CNTNAP2: variants seen among roughly 807,000 people sequenced by gnomAD.
CNTNAP2 encodes the protein contactin-associated protein-like 2.
CNTNAP2 carries 98 observed loss-of-function variants against 155.2 expected under a neutral mutation model. The observed-to-expected ratio is 0.63, with a 90% CI of 0.54 to 0.75. The LOEUF is 0.75. Ranked by LOEUF, CNTNAP2 falls within the 30% of genes least tolerant of loss-of-function variation. CNTNAP2 has a pLI of 0.00. For missense variants in CNTNAP2, 1,727 were observed against 1,688.1 expected, an observed-to-expected ratio of 1.02 and a Z score of -0.40; for synonymous variants, 651 against 631.2, an observed-to-expected ratio of 1.03 and a Z score of -0.47.
intron 1 of CNTNAP2, among the ~76,000 whole-genome samples, chr7:146,221,024 G>A (rs1284055163): frequency 2.0e-5 from 3 of 152,196 alleles, no homozygotes; most frequent in Non-Finnish European, 2.9e-5. Context: ...TACTTCCAGA[G>A]TCCAGAGTCG....
intron 12 of CNTNAP2, among the ~76,000 whole-genome samples, chr7:147,582,292 C>T (rs139796126): frequency 6.6e-6 from 1 of 152,078 alleles, no homozygotes; most frequent in African/African-American, 2.4e-5. Flanking sequence ...GTTCACTTTA[C>T]TAAAATGTAA....
chr7:146,936,202 G>A (rs1396627412), intron 3 of CNTNAP2, among the ~76,000 whole-genome samples: 3 of 152,248 alleles, frequency 2.0e-5, no homozygotes, highest in South Asian at 4.1e-4. Context: ...ACAAAATTAC[G>A]GGAGGCTATT....
At chr7:148,112,415 G>GTAT (rs34816770) in intron 15 of CNTNAP2, among the ~76,000 whole-genome samples, 5,374 of 148,584 alleles carry the variant, frequency 0.036, 127 homozygotes, top group Middle Eastern at 0.071. Context: ...CTAAATTTTA[G>GTAT]TATTATTATT....
intron 6 of CNTNAP2, among the ~76,000 whole-genome samples, chr7:147,125,776 C>A (rs537197513): frequency 6.6e-6 from 1 of 152,254 alleles, no homozygotes; most frequent in Non-Finnish European, 1.5e-5. Flanking sequence ...TAATCGCATT[C>A]TTTCCATAGG....
At chr7:146,388,152 C>T (rs1426029061) in intron 1 of CNTNAP2, among the ~76,000 whole-genome samples, 8 of 150,320 alleles carry the variant, frequency 5.3e-5, no homozygotes, top group East Asian at 4.0e-4. Context: ...TGCTTTTGGC[C>T]GGGCATGAGG....
intron 8 of CNTNAP2, among the ~76,000 whole-genome samples, chr7:147,182,125 CAA>C (rs10718876): frequency 0.35 from 32,499 of 91,776 alleles, 3,131 homozygotes; most frequent in East Asian, 0.58. Context: ...GACTCCATCT[CAA>C]AAAAAAAAAA....
chr7:146,204,530 G>A (rs947630565), intron 1 of CNTNAP2, among the ~76,000 whole-genome samples: 4 of 152,124 alleles, frequency 2.6e-5, no homozygotes, highest in Non-Finnish European at 5.9e-5. Flanking sequence ...CAGTAGAAAG[G>A]TTATGAAAAT....
At chr7:147,079,432 A>G (rs10231780) in intron 4 of CNTNAP2, among the ~76,000 whole-genome samples, 83,245 of 151,780 alleles carry the variant, frequency 0.55, 25,895 homozygotes, top group East Asian at 0.75. Flanking sequence ...CAAAAGACCC[A>G]CAGCCTGACT....
At chr7:147,717,521 C>T (rs1796499042) in intron 13 of CNTNAP2, among the ~76,000 whole-genome samples, 1 of 152,046 alleles carries the variant, frequency 6.6e-6, no homozygotes, top group African/African-American at 2.4e-5. Context: ...GTATCTGACT[C>T]CATAGCTAAT....
intron 1 of CNTNAP2, among the ~76,000 whole-genome samples, chr7:146,523,864 A>G (rs1797650305): frequency 6.6e-6 from 1 of 152,148 alleles, no homozygotes; most frequent in Non-Finnish European, 1.5e-5. Flanking sequence ...ATATTTGTGC[A>G]ACTGATTTTC....
intron 3 of CNTNAP2, among the ~76,000 whole-genome samples, chr7:147,016,431 A>C (rs1409229372): frequency 6.6e-6 from 1 of 152,076 alleles, no homozygotes; most frequent in Non-Finnish European, 1.5e-5. Flanking sequence ...CTTCTGTAGA[A>C]AATCTATAAA....
chr7:148,255,161 T>G (rs1320040529), intron 20 of CNTNAP2, among the ~76,000 whole-genome samples: 1 of 152,186 alleles, frequency 6.6e-6, no homozygotes, highest in Non-Finnish European at 1.5e-5. Flanking sequence ...AATTTCAAAT[T>G]TACTAGAAGA....
At chr7:148,137,611 G>A (rs376958254) in intron 16 of CNTNAP2, among the ~76,000 whole-genome samples, 1 of 151,254 alleles carries the variant, frequency 6.6e-6, no homozygotes, top group Non-Finnish European at 1.5e-5. Context: ...GCAGTGAGCT[G>A]AGATCACACC....
chr7:146,583,473 G>A (rs1444614643), intron 1 of CNTNAP2, among the ~76,000 whole-genome samples: 3 of 152,120 alleles, frequency 2.0e-5, no homozygotes, highest in African/African-American at 4.8e-5. Context: ...AGGCAACGAC[G>A]GCTCACAGAT....
At chr7:147,126,032 G>C (rs1801226786) in intron 6 of CNTNAP2, among the ~76,000 whole-genome samples, 1 of 152,144 alleles carries the variant, frequency 6.6e-6, no homozygotes, top group Admixed American at 6.6e-5. Context: ...AAGGAAGAGA[G>C]AGTAAACAAG....
At chr7:148,330,481 CGGATGGAGTGGAT>C (rs1203922434) in intron 21 of CNTNAP2, among the ~76,000 whole-genome samples, 1 of 107,204 alleles carries the variant, frequency 9.3e-6, no homozygotes, top group Non-Finnish European at 1.9e-5. Flanking sequence ...ATGAAGTGGA[CGGATGGAGTGGAT>C]GGATGGATGG....
intron 21 of CNTNAP2, among the ~76,000 whole-genome samples, chr7:148,312,854 C>T (rs1045472555): frequency 3.4e-5 from 5 of 145,712 alleles, no homozygotes; most frequent in Non-Finnish European, 6.0e-5. Flanking sequence ...GGTGCATGAT[C>T]GGTCGCTAAG....
At chr7:146,179,918 A>G (rs1448886486) in intron 1 of CNTNAP2, among the ~76,000 whole-genome samples, 1 of 152,208 alleles carries the variant, frequency 6.6e-6, no homozygotes, top group African/African-American at 2.4e-5. Context: ...TTTTCTTTAA[A>G]CAATATGAAA....
At chr7:146,523,293 TA>T (rs1797641346) in intron 1 of CNTNAP2, among the ~76,000 whole-genome samples, 1 of 152,100 alleles carries the variant, frequency 6.6e-6, no homozygotes, top group South Asian at 2.1e-4. Context: ...TTCTCATTTC[TA>T]AAAATTTTGG....
Sources: gnomAD v4.1 joint callset for allele counts (sites outside exome capture counted in the v4.1 genomes callset) on GRCh38, gnomAD v4.1.1 for gene constraint, MANE v1.5 for transcripts, NCBI Gene and HGNC (gene_info 2026-07-23, HGNC 2026-07-21) for gene names.